The following TGFBR3 variants were observed in gnomAD, a reference collection of about 807,000 sequenced individuals.
The protein encoded by TGFBR3 is transforming growth factor beta receptor type 3.
TGFBR3 carries 46 observed loss-of-function variants against 87.9 expected under a neutral mutation model. That is an observed-to-expected ratio of 0.52 (90% CI 0.41 to 0.67). The LOEUF (loss-of-function observed/expected upper bound fraction) is 0.67. Among genes scored for constraint, TGFBR3 ranks in the 30% least tolerant of loss-of-function variants. TGFBR3 has a pLI of 0.00. For synonymous variants in TGFBR3, 381 were observed against 391.6 expected (o/e 0.97, Z 0.32); for missense variants, 866 against 1,041.9 (o/e 0.83, Z 2.32).
At chr1:91,797,099 C>T (rs1199201766) in intron 3 of TGFBR3, among the ~76,000 whole-genome samples, 188 bp downstream of exon 3, 1 of 152,190 alleles carries the variant, frequency 6.6e-6, no homozygotes, top group East Asian at 1.9e-4. Flanking sequence ...GAGAGCCAAC[C>T]AATCTCTAGA....
chr1:91,826,906 C>T (rs766150199), intron 2 of TGFBR3, among the ~76,000 whole-genome samples: 7 of 152,020 alleles, frequency 4.6e-5, no homozygotes, highest in African/African-American at 1.7e-4. Flanking sequence ...TTTGCAAGAA[C>T]GGAAAAGCGA....
At chr1:91,685,362 C>T (rs1475773261) in intron 16 of TGFBR3, among the ~76,000 whole-genome samples, 1 of 143,174 alleles carries the variant, frequency 7.0e-6, no homozygotes, top group Non-Finnish European at 1.5e-5. Flanking sequence ...TCGCTCTGTC[C>T]CCTAGGATGG....
Position 91,831,790 on chromosome 1 carries a change from CAATT to C in TGFBR3, c.61+29677_61+29680del, listed in dbSNP as rs556679198. The stretch of plus-strand genomic sequence containing the variant: ...GCCTGCTGAACATCAAAACACGTAA[CAATT>C]AATTACCTCTATTTTTGAAAACGAC... On this transcript the variant is annotated intron_variant, in intron 2 of 16. Transcript: ENST00000212355. Among the ~76,000 whole-genome samples, 96 of 152,258 alleles carry C rather than the reference CAATT, an allele frequency of 6.3e-4. 1 individual carries two copies. The East Asian group carries it at 0.018, about 29-fold the overall frequency.
chr1:91,795,529 G>A (rs568554275), intron 3 of TGFBR3, among the ~76,000 whole-genome samples: 2 of 152,254 alleles, frequency 1.3e-5, no homozygotes, highest in South Asian at 2.1e-4. Context: ...AGTCTTACTC[G>A]AATTTGTTTT....
At chr1:91,787,051 C>T (rs1287629148) in intron 3 of TGFBR3, among the ~76,000 whole-genome samples, 1 of 152,120 alleles carries the variant, frequency 6.6e-6, no homozygotes, top group East Asian at 1.9e-4. Context: ...GCCTATAATC[C>T]CCGCACTTTG....
chr1:91,773,364 T>G (rs898892322), intron 3 of TGFBR3, among the ~76,000 whole-genome samples: 3 of 152,016 alleles, frequency 2.0e-5, no homozygotes, highest in African/African-American at 7.2e-5. Context: ...CAGCAACTAA[T>G]AGAGTCAGTA....
chr1:91,778,508 C>G (rs531704815), intron 3 of TGFBR3, among the ~76,000 whole-genome samples: 1 of 152,204 alleles, frequency 6.6e-6, no homozygotes, highest in Non-Finnish European at 1.5e-5. Flanking sequence ...TACCTTGAAG[C>G]CTTGGTTTAA....
In TGFBR3 at chr1:91,709,705, C is replaced by T. The variant is rs143923129; in HGVS notation, c.2167-922G>A. On this transcript the variant is annotated intron_variant, in intron 13 of 16. Transcript: ENST00000212355. ...GTTTTGAAAAAATATGATCACACTC[C>T]GCACTTTTTCTTTAAAATAACTTTG... is the stretch of plus-strand genomic sequence containing the variant. Among the ~76,000 whole-genome samples, 461 of 152,272 alleles carry T rather than the reference C, an allele frequency of 3.0e-3. 3 individuals are homozygous for T. Among genetic ancestry groups the T allele is most frequent in the African/African-American group, 0.01 (435 of 41,540 alleles).
intron 15 of TGFBR3, 127 bp downstream of exon 15, chr1:91,697,955 AGGGGAAG>A (rs1220469969): frequency 1.4e-5 from 11 of 812,992 alleles, no homozygotes; most frequent in African/African-American, 1.2e-4. Flanking sequence ...AAAAGGGGAA[AGGGGAAG>A]GGGGAAGGGG....
chr1:91,680,355 A>G lies in TGFBR3; in HGVS notation c.*3384T>C, dbSNP rs964728278. On this transcript the variant is annotated 3_prime_UTR_variant, in exon 17 of 17. Transcript: ENST00000212355. ...AACAAGACACATATTAATAACTGAT[A>G]TATATCTTTTTATTATGCACAGATA... 9.2e-6 allele frequency: 4 copies of G among 435,992 alleles called. No individual in the cohort carries two copies. The highest frequency in any genetic ancestry group is 1.7e-5 in the South Asian group (1 of 60,208). 27.0% of individuals were successfully genotyped at this position (435,992 alleles called of 1,614,324 possible).
chr1:91,857,576 T>G (rs1167187860), intron 2 of TGFBR3, among the ~76,000 whole-genome samples: 3 of 152,194 alleles, frequency 2.0e-5, no homozygotes, highest in African/African-American at 7.2e-5. Flanking sequence ...TGGCTTTCAC[T>G]ACACATTCAT....
intron 2 of TGFBR3, among the ~76,000 whole-genome samples, chr1:91,822,219 A>G (rs981697265): frequency 8.7e-5 from 13 of 149,364 alleles, no homozygotes; most frequent in African/African-American, 3.2e-4. Flanking sequence ...CCACATTTAT[A>G]TTCTTCTACT....
chr1:91,839,694 G>A lies in TGFBR3; in HGVS notation c.61+21777C>T, dbSNP rs140551709. Among the ~76,000 whole-genome samples, 11 of 152,236 alleles carry A rather than the reference G, an allele frequency of 7.2e-5. No homozygotes were observed. The East Asian group carries it at 1.9e-3, about 27-fold the overall frequency. ...GACATTCTCCAGTAGTTCCCAAAGCGTCAAGGTCATTGAAAGACCAGGGAA... is the reference window on the plus strand; with the variant it reads ...GACATTCTCCAGTAGTTCCCAAAGCATCAAGGTCATTGAAAGACCAGGGAA... On this transcript the variant is annotated intron_variant, in intron 2 of 16. Transcript: ENST00000212355.
At chr1:91,692,030 T>C (rs1238914516) in intron 16 of TGFBR3, among the ~76,000 whole-genome samples, 2 of 151,558 alleles carry the variant, frequency 1.3e-5, no homozygotes, top group Non-Finnish European at 2.9e-5. Flanking sequence ...GAAAAGAAAA[T>C]TAAGCTAATG....
At position 91,734,789 on chromosome 1, in the gene TGFBR3, AAT is replaced by A. The variant is rs1188838124; in HGVS notation, c.553_554del (p.Ile185Ter). The stretch of plus-strand genomic sequence containing the variant: ...CATAAAATTTACCTTCCCCCACTTT[AAT>A]ATAAATGTTTCTTGCTATCTTGAGT... Reference protein sequence around the residue: ...TELKIARNIYIKVGEDQVFPP... With the variant: ...TELKIARNIYXKVGEDQVFPP... On this transcript the variant is annotated frameshift_variant, in exon 5 of 17. Coordinates refer to ENST00000212355, the MANE Select transcript of TGFBR3 (RefSeq NM_003243.5). LOFTEE classifies it high-confidence loss of function. The A allele has an allele frequency of 1.2e-6, 2 of 1,614,086 alleles. No individual in the cohort carries two copies. The highest frequency in any genetic ancestry group is 2.7e-5 in the African/African-American group (2 of 74,954).
chr1:91,807,928 A>G lies in TGFBR3; in HGVS notation c.62-10457T>C, dbSNP rs550768717. On this transcript the variant is annotated intron_variant, in intron 2 of 16. Coordinates refer to ENST00000212355, the MANE Select transcript of TGFBR3 (RefSeq NM_003243.5). ...TGCACTATATGTGAAAACGCTTTAC[A>G]AACTTCAAATACTATTAGAGACATA... Among the ~76,000 whole-genome samples, 3 of 152,350 alleles carry G rather than the reference A, an allele frequency of 2.0e-5. No individual in the cohort carries two copies. In the East Asian group the frequency reaches 5.8e-4, roughly 29 times the overall value.
chr1:91,765,474 C>T (rs893858947), intron 3 of TGFBR3, among the ~76,000 whole-genome samples: 1 of 151,902 alleles, frequency 6.6e-6, no homozygotes, highest in Non-Finnish European at 1.5e-5. Context: ...GCTACTGAAA[C>T]AAATGACGGA....
chr1:91,713,131 T>A (rs534825551), intron 12 of TGFBR3, among the ~76,000 whole-genome samples: 1 of 152,220 alleles, frequency 6.6e-6, no homozygotes, highest in African/African-American at 2.4e-5. Flanking sequence ...GAGGCCATCA[T>A]GGGCCTGGTA....
At chr1:91,785,323 TG>T (rs947092700) in intron 3 of TGFBR3, among the ~76,000 whole-genome samples, 3 of 152,182 alleles carry the variant, frequency 2.0e-5, no homozygotes, top group Admixed American at 1.3e-4. Context: ...TGCCGGGTCG[TG>T]GGGGGCACAC....
Sources: allele counts gnomAD v4.1 joint callset (sites outside exome capture counted in the v4.1 genomes callset), GRCh38; gene constraint gnomAD v4.1.1; transcripts MANE v1.5; gene names NCBI Gene and HGNC (gene_info 2026-07-23, HGNC 2026-07-21).